Variants in CNTN5 observed in about 807,000 individuals in gnomAD.
CNTN5 encodes the protein contactin-5.
CNTN5 carries 77 observed loss-of-function variants against 129.1 expected under a neutral mutation model. That is an observed-to-expected ratio of 0.60 (90% CI 0.50 to 0.72). CNTN5 has a LOEUF of 0.72. Ranked by LOEUF, CNTN5 falls within the 30% of genes least tolerant of loss-of-function variation. The pLI is 0.00. For synonymous variants in CNTN5, 509 were observed against 465.6 expected (o/e 1.09, Z -1.20); for missense variants, 1,478 against 1,328.8 (o/e 1.11, Z -1.75).
chr11:99,869,584 C>A (rs1480975144), intron 6 of CNTN5, among the ~76,000 whole-genome samples: 4 of 152,118 alleles, frequency 2.6e-5, no homozygotes, highest in Non-Finnish European at 5.9e-5. Context: ...ACTTCTACTT[C>A]CGCTGTATAT....
At chr11:100,089,067 G>T (rs1161801027) in intron 13 of CNTN5, among the ~76,000 whole-genome samples, 24 of 152,074 alleles carry the variant, frequency 1.6e-4, no homozygotes, top group Admixed American at 8.5e-4. Context: ...GGGATGAAAG[G>T]TTGGTTCAAC....
intron 1 of CNTN5, among the ~76,000 whole-genome samples, chr11:99,144,568 T>G (rs1200333506): frequency 6.6e-6 from 1 of 152,186 alleles, no homozygotes; most frequent in African/African-American, 2.4e-5. Context: ...AATTTTCGTA[T>G]TTGTTCAGTT....
intron 13 of CNTN5, among the ~76,000 whole-genome samples, chr11:100,093,732 A>C (rs1329645403): frequency 6.6e-6 from 1 of 152,094 alleles, no homozygotes; most frequent in African/African-American, 2.4e-5. Context: ...GCTTTTGCCA[A>C]AGTGGCCCAG....
chr11:99,136,881 G>GATAA (rs1859255639), intron 1 of CNTN5, among the ~76,000 whole-genome samples: 1 of 152,030 alleles, frequency 6.6e-6, no homozygotes, highest in South Asian at 2.1e-4. Context: ...TATTTGTTCA[G>GATAA]CATTATATCA....
chr11:99,296,066 C>G (rs543119170), intron 1 of CNTN5, among the ~76,000 whole-genome samples: 17 of 152,122 alleles, frequency 1.1e-4, no homozygotes, highest in African/African-American at 4.1e-4. Flanking sequence ...ACTTAATAGG[C>G]CCCCTTTTAA....
intron 1 of CNTN5, among the ~76,000 whole-genome samples, chr11:99,081,267 T>G (rs1865785172): frequency 6.6e-6 from 1 of 152,166 alleles, no homozygotes; most frequent in Admixed American, 6.5e-5. Flanking sequence ...GTTTAGTGCT[T>G]TTTATTGAGT....
chr11:99,439,639 C>A (rs1304761601), intron 2 of CNTN5, among the ~76,000 whole-genome samples: 1 of 134,072 alleles, frequency 7.5e-6, no homozygotes, highest in African/African-American at 2.8e-5. Flanking sequence ...ACCCGGAAGG[C>A]GGAGGTTGCA....
chr11:100,014,489 G>C (rs538856818), intron 9 of CNTN5, among the ~76,000 whole-genome samples: 267 of 152,242 alleles, frequency 1.8e-3, no homozygotes, highest in Non-Finnish European at 2.7e-3. Flanking sequence ...GCTGAGGCAA[G>C]AGAATCGCTT....
At chr11:100,001,582 G>C (rs905699544) in intron 8 of CNTN5, among the ~76,000 whole-genome samples, 5 of 152,176 alleles carry the variant, frequency 3.3e-5, no homozygotes, top group African/African-American at 1.2e-4. Flanking sequence ...CTGAGTGCTT[G>C]AGAGCACAAC....
At chr11:100,081,924 G>T (rs1944381315) in intron 13 of CNTN5, among the ~76,000 whole-genome samples, 1 of 152,002 alleles carries the variant, frequency 6.6e-6, no homozygotes, top group South Asian at 2.1e-4. Flanking sequence ...AGCACTGAGA[G>T]AAAAAAGAGA....
At chr11:99,727,834 G>C (rs575074094) in intron 3 of CNTN5, among the ~76,000 whole-genome samples, 2 of 152,158 alleles carry the variant, frequency 1.3e-5, no homozygotes, top group South Asian at 4.1e-4. Flanking sequence ...ATTAGCTCGT[G>C]CTTATCTAGT....
At chr11:99,855,543 G>T (rs78208262) in intron 6 of CNTN5, among the ~76,000 whole-genome samples, 3,109 of 152,190 alleles carry the variant, frequency 0.02, 93 homozygotes, top group African/African-American at 0.07. Flanking sequence ...ACAGCTTCAT[G>T]GACATGACAT....
intron 13 of CNTN5, among the ~76,000 whole-genome samples, chr11:100,155,702 G>A (rs1947218370): frequency 6.6e-6 from 1 of 151,480 alleles, no homozygotes; most frequent in Non-Finnish European, 1.5e-5. Flanking sequence ...TCCTTGAGCA[G>A]TGGTTTGTAG....
At chr11:99,663,941 G>C (rs771810609) in intron 3 of CNTN5, among the ~76,000 whole-genome samples, 5 of 152,096 alleles carry the variant, frequency 3.3e-5, no homozygotes, top group Non-Finnish European at 5.9e-5. Context: ...AATTATTAAT[G>C]GGGAATTTTA....
chr11:99,972,612 T>G (rs1278174825), intron 8 of CNTN5, among the ~76,000 whole-genome samples: 1 of 152,108 alleles, frequency 6.6e-6, no homozygotes, highest in Non-Finnish European at 1.5e-5. Flanking sequence ...TCTCTTAGAG[T>G]GTTCAGTGAC....
chr11:99,283,640 T>C (rs1490133638), intron 1 of CNTN5, among the ~76,000 whole-genome samples: 2 of 152,164 alleles, frequency 1.3e-5, no homozygotes, highest in African/African-American at 4.8e-5. Flanking sequence ...AGACCAGTTG[T>C]TTGCTAGTTT....
intron 6 of CNTN5, among the ~76,000 whole-genome samples, chr11:99,883,671 C>A (rs1948827653): frequency 6.6e-6 from 1 of 152,110 alleles, no homozygotes; most frequent in Non-Finnish European, 1.5e-5. Flanking sequence ...GTCTTGATAA[C>A]CTATTATGTA....
At chr11:99,333,360 T>G (rs1157006397) in intron 2 of CNTN5, among the ~76,000 whole-genome samples, 1 of 152,012 alleles carries the variant, frequency 6.6e-6, no homozygotes, top group Non-Finnish European at 1.5e-5. Flanking sequence ...AGCTTAAAAA[T>G]TGTAGTTGCT....
Position 100,182,364 on chromosome 11 carries a change from T to A in CNTN5, c.1581-8762T>A, listed in dbSNP as rs138762839. ...TTGGTTTACAGATGGCTATTTTCCT[T>A]CTGTGTCCTCACTTGTCAGAGAGCA... On this transcript the variant is annotated intron_variant, in intron 13 of 24. Coordinates refer to ENST00000524871, the MANE Select transcript of CNTN5 (RefSeq NM_014361.4). 3.0e-3 allele frequency among the ~76,000 whole-genome samples: 454 copies of A among 152,122 alleles called. 6 individuals carry two copies. The highest frequency in any genetic ancestry group is 0.01 in the African/African-American group (435 of 41,528).
Sources: gnomAD v4.1 joint callset for allele counts (sites outside exome capture counted in the v4.1 genomes callset) on GRCh38, gnomAD v4.1.1 for gene constraint, MANE v1.5 for transcripts, NCBI Gene and HGNC (gene_info 2026-07-23, HGNC 2026-07-21) for gene names.